SELENOF: variants seen among roughly 807,000 people sequenced by gnomAD.
The protein encoded by SELENOF is 15 kDa selenoprotein.
A neutral mutation model predicts 20.5 loss-of-function variants in SELENOF; 16 were observed. The ratio of observed to expected loss-of-function variants is 0.78; its 90% confidence interval spans 0.53 to 1.19. The LOEUF (loss-of-function observed/expected upper bound fraction) is 1.19. SELENOF is among the 50% of genes most tolerant of loss of function. The pLI, the probability that SELENOF is intolerant of heterozygous loss-of-function variation, is 0.00. For synonymous variants in SELENOF, 78 were observed against 74.5 expected, an observed-to-expected ratio of 1.05 and a Z score of -0.24; for missense variants, 215 against 194.2, an observed-to-expected ratio of 1.11 and a Z score of -0.64.
intron 2 of SELENOF, among the ~76,000 whole-genome samples, chr1:86,886,251 T>C (rs1025634706): frequency 2.0e-5 from 3 of 152,170 alleles, no homozygotes; most frequent in Non-Finnish European, 4.4e-5. Context: ...TATTTTTAAT[T>C]ACTACTCAAA....
intron 3 of SELENOF, among the ~76,000 whole-genome samples, chr1:86,868,326 G>A (rs1032196621): frequency 3.9e-5 from 6 of 152,050 alleles, no homozygotes; most frequent in African/African-American, 9.7e-5. Context: ...ATTCCAATAG[G>A]ATTTTAAGGT....
intron 1 of SELENOF, among the ~76,000 whole-genome samples, chr1:86,906,169 AG>A (rs1659822313): frequency 6.6e-6 from 1 of 152,202 alleles, no homozygotes; most frequent in Admixed American, 6.5e-5. Context: ...GCCTAGTGGG[AG>A]GGAACTGTGA....
chr1:86,891,527 G>A (rs1225589058), intron 2 of SELENOF, among the ~76,000 whole-genome samples: 1 of 152,178 alleles, frequency 6.6e-6, no homozygotes, highest in Non-Finnish European at 1.5e-5. Flanking sequence ...TTCGTTTTGA[G>A]CATTGCAGTC....
intron 3 of SELENOF, among the ~76,000 whole-genome samples, chr1:86,876,163 T>A (rs1658919575): frequency 6.6e-6 from 1 of 151,732 alleles, no homozygotes; most frequent in Non-Finnish European, 1.5e-5. Context: ...GTTAAGGTCC[T>A]GATTGAAAAT....
At chr1:86,898,968 T>G (rs1479802480) in intron 2 of SELENOF, among the ~76,000 whole-genome samples, 12 of 151,748 alleles carry the variant, frequency 7.9e-5, no homozygotes, top group African/African-American at 2.7e-4. Flanking sequence ...TACTTGAGAT[T>G]AGGGAGTGGT....
intron 4 of SELENOF, 47 bp from the exon 5 acceptor site, chr1:86,863,652 C>G: frequency 6.3e-7 from 1 of 1,587,350 alleles, no homozygotes; most frequent in Non-Finnish European, 8.6e-7. Flanking sequence ...CAGAAACAAC[C>G]TTCTCAGCCT....
At chr1:86,868,200 T>C in intron 3 of SELENOF, 98 bp from the exon 4 acceptor site, 1 of 537,578 alleles carries the variant, frequency 1.9e-6, no homozygotes. Flanking sequence ...AAATCAAACA[T>C]TATATCCTAT....
chr1:86,883,469 T>C (rs1293987205), intron 2 of SELENOF, among the ~76,000 whole-genome samples: 1 of 151,544 alleles, frequency 6.6e-6, no homozygotes, highest in African/African-American at 2.4e-5. Context: ...GTGTATAGTG[T>C]ATGTACACTA....
intron 2 of SELENOF, among the ~76,000 whole-genome samples, chr1:86,887,849 T>C (rs1030874933): frequency 1.3e-5 from 2 of 152,108 alleles, no homozygotes; most frequent in African/African-American, 4.8e-5. Flanking sequence ...TTGGGAACAG[T>C]GCATTCAGTT....
chr1:86,880,557 TA>T, intron 3 of SELENOF, 104 bp downstream of exon 3: 1 of 607,018 alleles, frequency 1.6e-6, no homozygotes, highest in Non-Finnish European at 2.8e-6. Flanking sequence ...GTTAAGAAAG[TA>T]TAATCCTAAA....
At chr1:86,912,508 T>C (rs1437362911) in intron 1 of SELENOF, among the ~76,000 whole-genome samples, 1 of 152,206 alleles carries the variant, frequency 6.6e-6, no homozygotes, top group African/African-American at 2.4e-5. Flanking sequence ...TGTGAACTAG[T>C]CTTGTGACTT....
chr1:86,905,543 A>C (rs1659806396), intron 1 of SELENOF, among the ~76,000 whole-genome samples: 1 of 152,224 alleles, frequency 6.6e-6, no homozygotes, highest in African/African-American at 2.4e-5. Flanking sequence ...GTTGTAAAAC[A>C]GTACCGTTCG....
intron 2 of SELENOF, among the ~76,000 whole-genome samples, chr1:86,892,431 A>T (rs190441782): frequency 2.6e-4 from 39 of 152,332 alleles, no homozygotes; most frequent in African/African-American, 8.4e-4. Flanking sequence ...TGATGCTTAC[A>T]GACACACGAC....
intron 2 of SELENOF, among the ~76,000 whole-genome samples, chr1:86,894,537 A>T (rs1659471442): frequency 6.6e-6 from 1 of 152,152 alleles, no homozygotes; most frequent in African/African-American, 2.4e-5. Flanking sequence ...TTTGTCATAG[A>T]AAATTGAGCT....
chr1:86,909,988 CA>C (rs1018486989), intron 1 of SELENOF, among the ~76,000 whole-genome samples: 2 of 150,264 alleles, frequency 1.3e-5, no homozygotes, highest in Non-Finnish European at 3.0e-5. Context: ...GACTTCGTCT[CA>C]AAAAAAAAGT....
At chr1:86,896,006 A>C (rs1570397896) in intron 2 of SELENOF, among the ~76,000 whole-genome samples, 1 of 152,048 alleles carries the variant, frequency 6.6e-6, no homozygotes, top group Non-Finnish European at 1.5e-5. Context: ...GGGGAGTGGA[A>C]CACCTGAGGT....
chr1:86,894,168 A>AG (rs1659460230), intron 2 of SELENOF, among the ~76,000 whole-genome samples: 1 of 137,984 alleles, frequency 7.2e-6, no homozygotes, highest in Non-Finnish European at 1.6e-5. Flanking sequence ...CTCAACCTGG[A>AG]GGTTTTTTTT....
At chr1:86,868,660 GA>G (rs566287269) in intron 3 of SELENOF, among the ~76,000 whole-genome samples, 1 of 147,806 alleles carries the variant, frequency 6.8e-6, no homozygotes, top group South Asian at 2.1e-4. Context: ...ACTGTTTATA[GA>G]AAAAAAAAAT....
chr1:86,904,505 G>T (rs779341769), intron 1 of SELENOF, among the ~76,000 whole-genome samples: 52 of 151,980 alleles, frequency 3.4e-4, no homozygotes, highest in Non-Finnish European at 6.6e-4. Flanking sequence ...ACCTCCATTT[G>T]TCTAAGGCCA....
Sources: gnomAD v4.1 joint callset for allele counts (sites outside exome capture counted in the v4.1 genomes callset) on GRCh38, gnomAD v4.1.1 for gene constraint, MANE v1.5 for transcripts, NCBI Gene and HGNC (gene_info 2026-07-23, HGNC 2026-07-21) for gene names.